MID1: variants seen among roughly 807,000 people sequenced by gnomAD.
The protein encoded by MID1 is E3 ubiquitin-protein ligase Midline-1.
MID1 carries 7 observed loss-of-function variants against 40.4 expected under a neutral mutation model. The observed-to-expected ratio is 0.17, with a 90% CI of 0.10 to 0.33. The LOEUF (loss-of-function observed/expected upper bound fraction) is 0.33. Ranked by LOEUF, MID1 falls within the 10% of genes least tolerant of loss-of-function variation. The pLI, the probability that MID1 is intolerant of heterozygous loss-of-function variation, is 1.00. For synonymous variants in MID1, 229 were observed against 221.2 expected (o/e 1.04, Z -0.31); for missense variants, 367 against 558.5 (o/e 0.66, Z 3.46).
chrX:10,627,375 T>C (rs1327070583), intron 1 of MID1, among the ~76,000 whole-genome samples: 1 of 112,165 alleles, frequency 8.9e-6, no homozygotes, highest in Non-Finnish European at 1.9e-5. Context: ...TCAAGGCTTA[T>C]GATAGTTTTT....
chrX:10,823,032 T>C (rs1280273973), intron 1 of MID1, among the ~76,000 whole-genome samples: 4 of 111,822 alleles, frequency 3.6e-5, no homozygotes, highest in Non-Finnish European at 5.6e-5. Context: ...CTTATGTTCA[T>C]TGCAGCACTA....
intron 1 of MID1, among the ~76,000 whole-genome samples, chrX:10,779,719 C>T (rs1384270717): frequency 9.0e-6 from 1 of 110,937 alleles, no homozygotes; most frequent in Non-Finnish European, 1.9e-5. Context: ...AATGATAGTC[C>T]ATAATTTCTA....
chrX:10,730,076 T>C (rs1389766621), intron 1 of MID1, among the ~76,000 whole-genome samples: 1 of 99,994 alleles, frequency 1.0e-5, no homozygotes, highest in South Asian at 4.6e-4. Context: ...AGAGCGAGAC[T>C]CCATCTCAAA....
At chrX:10,605,678 TA>T (rs887379879) in intron 1 of MID1, among the ~76,000 whole-genome samples, 1 of 112,006 alleles carries the variant, frequency 8.9e-6, no homozygotes, top group Non-Finnish European at 1.9e-5. Context: ...TTTGCCATGC[TA>T]TGAAACTAAT....
At chrX:10,463,588 A>G (rs1929175542) in intron 7 of MID1, among the ~76,000 whole-genome samples, 1 of 112,480 alleles carries the variant, frequency 8.9e-6, no homozygotes, top group African/African-American at 3.2e-5. Context: ...GAAAATTGCA[A>G]AACTGGTCTT....
At chrX:10,577,278 C>T (rs1934896615) in intron 1 of MID1, among the ~76,000 whole-genome samples, 1 of 112,038 alleles carries the variant, frequency 8.9e-6, no homozygotes, top group Non-Finnish European at 1.9e-5. Context: ...TCCTGCCCAG[C>T]TCCTGGGGCT....
At chrX:10,581,747 T>C (rs1935024866) in intron 1 of MID1, among the ~76,000 whole-genome samples, 1 of 112,182 alleles carries the variant, frequency 8.9e-6, no homozygotes, top group Non-Finnish European at 1.9e-5. Flanking sequence ...GCATTTTTAT[T>C]CTTAACACTA....
intron 1 of MID1, among the ~76,000 whole-genome samples, chrX:10,594,916 A>T (rs187474353): frequency 5.5e-4 from 61 of 111,175 alleles, no homozygotes; most frequent in Non-Finnish European, 1.0e-3. Flanking sequence ...CTAACACCCA[A>T]ATGGTTGACA....
chrX:10,505,850 A>G, intron 3 of MID1: 1 of 754,011 alleles, frequency 1.3e-6, no homozygotes, highest in Non-Finnish European at 1.6e-6. Flanking sequence ...CTGAAAAGTG[A>G]TGTACTGGAA....
chrX:10,535,850 C>T (rs756911471), intron 2 of MID1, among the ~76,000 whole-genome samples: 1 of 111,878 alleles, frequency 8.9e-6, no homozygotes, highest in African/African-American at 3.2e-5. Context: ...TCAACTCAGG[C>T]AAGAGCATTG....
chrX:10,476,420 G>A (rs940274874), intron 5 of MID1, among the ~76,000 whole-genome samples: 2 of 110,457 alleles, frequency 1.8e-5, no homozygotes, highest in African/African-American at 6.6e-5. Context: ...CCCTTTGGGA[G>A]GCCTTGGCCT....
intron 3 of MID1, among the ~76,000 whole-genome samples, chrX:10,501,796 T>C (rs1931559206): frequency 8.9e-6 from 1 of 111,761 alleles, no homozygotes; most frequent in Admixed American, 9.5e-5. Context: ...GATTAGTTAA[T>C]GATGACATAA....
chrX:10,721,141 A>T (rs984417776), intron 1 of MID1, among the ~76,000 whole-genome samples: 2 of 111,083 alleles, frequency 1.8e-5, no homozygotes, highest in African/African-American at 6.6e-5. Flanking sequence ...TGGCACATGT[A>T]TACATATGTA....
At chrX:10,640,734 A>T (rs1331317994) in intron 1 of MID1, among the ~76,000 whole-genome samples, 6 of 110,960 alleles carry the variant, frequency 5.4e-5, no homozygotes, top group African/African-American at 1.3e-4. Flanking sequence ...ACCACACCAC[A>T]CTTATTCCAA....
At chrX:10,750,077 G>A (rs376633129) in intron 1 of MID1, among the ~76,000 whole-genome samples, 1 of 111,060 alleles carries the variant, frequency 9.0e-6, no homozygotes, top group African/African-American at 3.3e-5. Context: ...ATCACACCCC[G>A]GAGATTCATA....
intron 1 of MID1, among the ~76,000 whole-genome samples, chrX:10,609,514 C>G (rs998808790): frequency 9.1e-6 from 1 of 110,472 alleles, no homozygotes; most frequent in Non-Finnish European, 1.9e-5. Flanking sequence ...GGTGAGGAAA[C>G]TTGGGAAGTT....
intron 1 of MID1, among the ~76,000 whole-genome samples, chrX:10,788,991 C>A (rs2043907722): frequency 9.1e-6 from 1 of 109,844 alleles, no homozygotes; most frequent in Non-Finnish European, 1.9e-5. Context: ...AAAACAAAAA[C>A]AAAAACCAAA....
chrX:10,742,104 C>T (rs2043526848), intron 1 of MID1, among the ~76,000 whole-genome samples: 1 of 111,046 alleles, frequency 9.0e-6, no homozygotes, highest in African/African-American at 3.3e-5. Flanking sequence ...TGGCTCAATG[C>T]CCTCATATTC....
At chrX:10,561,870 G>A (rs1389847622) in intron 2 of MID1, among the ~76,000 whole-genome samples, 1 of 107,165 alleles carries the variant, frequency 9.3e-6, no homozygotes, top group African/African-American at 3.7e-5. Flanking sequence ...CCATTACCGG[G>A]TAGATACCCA....
Sources: gnomAD v4.1 joint callset for allele counts (sites outside exome capture counted in the v4.1 genomes callset) on GRCh38, gnomAD v4.1.1 for gene constraint, MANE v1.5 for transcripts, NCBI Gene and HGNC (gene_info 2026-07-23, HGNC 2026-07-21) for gene names.